The following UGT2B15 variants were observed in gnomAD, a reference collection of about 807,000 sequenced individuals.
The protein encoded by UGT2B15 is UDP glucuronosyltransferase family 2 member B15.
UGT2B15 carries 36 observed loss-of-function variants against 45.9 expected under a neutral mutation model. The observed-to-expected ratio is 0.78, with a 90% CI of 0.60 to 1.04. The LOEUF (loss-of-function observed/expected upper bound fraction) is 1.04. UGT2B15 is among the 50% of genes least tolerant of loss of function. The pLI, the probability that UGT2B15 is intolerant of heterozygous loss-of-function variation, is 0.00. For missense variants in UGT2B15, 617 were observed against 622.4 expected (o/e 0.99, Z 0.09); for synonymous variants, 219 against 216.4 (o/e 1.01, Z -0.11).
rs148054959 is a variant in UGT2B15 at position 68,647,318 on chromosome 4, C to G, written c.1379G>C (p.Arg460Pro). 2 of 1,613,760 alleles carry G rather than the reference C, an allele frequency of 1.2e-6. No homozygotes were observed. Among genetic ancestry groups the G allele is most frequent in the Non-Finnish European group, 1.7e-6 (2 of 1,179,816 alleles). Reference protein sequence around the residue: ...HHDQPMKPLDRAVFWIEFVMR... With the variant: ...HHDQPMKPLDPAVFWIEFVMR... ...GACAAACTCAATCCAGAAGACTGCT[C>G]GATCCAGGGGCTTCATTGGTTGGTC... is the stretch of plus-strand genomic sequence containing the variant. The change falls in exon 6 of 6, where the codon CGA (arginine) becomes CCA (proline). Residue 460 changes from arginine to proline, a missense_variant. Around this residue, in one of 3 missense-constraint regions of UGT2B15, gnomAD observed 265 missense variants for 245.1 expected, o/e 1.08. Transcript: ENST00000338206.
chr4:68,651,709 C>T (rs761068889), intron 5 of UGT2B15, among the ~76,000 whole-genome samples: 16 of 152,082 alleles, frequency 1.1e-4, no homozygotes, highest in Non-Finnish European at 2.2e-4. Flanking sequence ...TTTCTGAGGC[C>T]TATGTTCTGT....
intron 3 of UGT2B15, among the ~76,000 whole-genome samples, chr4:68,656,987 T>C (rs1732825323): frequency 6.6e-6 from 1 of 151,788 alleles, no homozygotes; most frequent in Non-Finnish European, 1.5e-5. Context: ...TGCTATTTTT[T>C]TCCTCCTAGG....
rs367648895 is a variant in UGT2B15 at position 68,667,297 on chromosome 4, G to A, written c.873+743C>T. On this transcript the variant is annotated intron_variant, in intron 2 of 5. Transcript: ENST00000338206. Reference sequence around the variant, plus strand: ...CTGCCTCAGCCTCTTAAGTAGCTACGACTATGAGACTACAGGCACACACCA... The same window carrying A: ...CTGCCTCAGCCTCTTAAGTAGCTACAACTATGAGACTACAGGCACACACCA... Among the ~76,000 whole-genome samples the A allele has an allele frequency of 6.6e-5, 10 of 151,938 alleles. No individual in the cohort carries two copies. The East Asian group carries it at 1.4e-3, about 21-fold the overall frequency.
intron 5 of UGT2B15, among the ~76,000 whole-genome samples, chr4:68,651,393 A>T (rs1320241856): frequency 6.6e-6 from 1 of 152,038 alleles, no homozygotes; most frequent in East Asian, 1.9e-4. Flanking sequence ...CTCCAGCACC[A>T]TTTATTTAAT....
intron 5 of UGT2B15, among the ~76,000 whole-genome samples, chr4:68,648,588 T>C (rs1324042739): frequency 5.3e-5 from 8 of 152,068 alleles, no homozygotes; most frequent in African/African-American, 1.7e-4. Flanking sequence ...AAACTTCAAG[T>C]ATGAAATACA....
At chr4:68,655,902 T>C (rs1471605074) in intron 3 of UGT2B15, among the ~76,000 whole-genome samples, 3 of 152,104 alleles carry the variant, frequency 2.0e-5, no homozygotes, top group African/African-American at 7.2e-5. Context: ...TCAGGGTTCA[T>C]ATTTTGGTAA....
chr4:68,667,880 A>G (rs1733186312), intron 2 of UGT2B15, among the ~76,000 whole-genome samples, 160 bp downstream of exon 2: 1 of 152,182 alleles, frequency 6.6e-6, no homozygotes, highest in South Asian at 2.1e-4. Flanking sequence ...TAACATTCAC[A>G]TACTTGTGAT....
At position 68,668,173 on chromosome 4, in the gene UGT2B15, A is replaced by C. The variant is rs746006788; in HGVS notation, c.740T>G (p.Leu247Ter). The C allele has an allele frequency of 3.1e-6, 5 of 1,612,038 alleles. 1 individual carries two copies. The South Asian group carries it at 4.4e-5, about 14-fold the overall frequency. The change falls in exon 2 of 6, where the codon TTA (leucine) becomes TGA (stop). Residue 247 changes from leucine (L) to a stop codon, truncating the protein, a stop_gained. Transcript: ENST00000338206. LOFTEE classifies it high-confidence loss of function. ...YSEVLGRPTT[L>*]FETMGKAEMW... The stretch of plus-strand genomic sequence containing the variant: ...TTCAGCTTTCCCCATTGTCTCAAAT[A>C]ATGTAGTGGGTCTTCCTGATGGAAA...
chr4:68,670,425 T>C lies in UGT2B15; in HGVS notation c.194A>G (p.Asn65Ser), dbSNP rs770648228. 8.7e-6 allele frequency: 14 copies of C among 1,613,696 alleles called. No individual in the cohort carries two copies. The highest frequency in any genetic ancestry group is 6.7e-5 in the African/African-American group (5 of 74,900). Residue 65 changes from asparagine to serine, a missense_variant, in exon 1 of 6, where the codon AAT (asparagine) becomes AGT (serine). This residue lies in a region of UGT2B15 where 351 missense variants were observed against 342.1 expected (regional missense o/e 1.03). Transcript: ENST00000338206. ...VLTSSASTLVNASKSSAIKLE... is the reference protein window; with the variant it reads ...VLTSSASTLVSASKSSAIKLE... Reference sequence around the variant, plus strand: ...TTTAATAGCAGATGATTTACTGGCATTGACAAGAGTAGAAGCCGAAGATGT... The same window carrying C: ...TTTAATAGCAGATGATTTACTGGCACTGACAAGAGTAGAAGCCGAAGATGT...
intron 3 of UGT2B15, among the ~76,000 whole-genome samples, chr4:68,659,934 T>TC (rs1732915374): frequency 6.6e-6 from 1 of 151,630 alleles, no homozygotes; most frequent in Non-Finnish European, 1.5e-5. Flanking sequence ...GTTTTGTTTT[T>TC]TTTTCAGAGT....
intron 3 of UGT2B15, among the ~76,000 whole-genome samples, chr4:68,660,906 T>C (rs1398105825): frequency 2.6e-5 from 4 of 151,988 alleles, no homozygotes; most frequent in African/African-American, 4.8e-5. Context: ...ACCTGCCTAC[T>C]GATTTATGGA....
At chr4:68,661,299 T>C (rs1732959059) in intron 3 of UGT2B15, among the ~76,000 whole-genome samples, 1 of 152,010 alleles carries the variant, frequency 6.6e-6, no homozygotes. Flanking sequence ...AATCAGAAAG[T>C]CAAAGGAATG....
chr4:68,662,077 ACT>A lies in UGT2B15; in HGVS notation c.1005+929_1005+930del, dbSNP rs1049079694. On this transcript the variant is annotated intron_variant, in intron 3 of 5. Coordinates refer to ENST00000338206, the MANE Select transcript of UGT2B15 (RefSeq NM_001076.4). ...TATTTGATATGGGAGTGTTAAAGTA[ACT>A]CTGTGTTTTCAGCAAAAACTTGTAT... 1.2e-4 allele frequency among the ~76,000 whole-genome samples: 19 copies of A among 152,036 alleles called. 1 individual carries two copies. Among genetic ancestry groups the A allele is most frequent in the African/African-American group, 4.3e-4 (18 of 41,414 alleles).
At chr4:68,658,203 T>A (rs1732866598) in intron 3 of UGT2B15, among the ~76,000 whole-genome samples, 1 of 152,038 alleles carries the variant, frequency 6.6e-6, no homozygotes, top group Non-Finnish European at 1.5e-5. Flanking sequence ...AATGTGTGTA[T>A]GTATTTATGT....
In UGT2B15 at chr4:68,647,284, G is replaced by A. The variant is rs370554027; in HGVS notation, c.1413C>T (p.His471=). Residue 471 remains histidine (H), a synonymous_variant, in exon 6 of 6, where the codon CAC becomes CAT. Coordinates refer to ENST00000338206, the MANE Select transcript of UGT2B15 (RefSeq NM_001076.4). ...AVFWIEFVMR[H]KGAKHLRVAA... ...CGACTCGAAGGTGCTTGGCTCCTTT[G>A]TGGCGCATGACAAACTCAATCCAGA... The A allele has an allele frequency of 1.2e-6, 2 of 1,613,850 alleles. No homozygotes were observed. Among genetic ancestry groups the A allele is most frequent in the Admixed American group, 1.7e-5 (1 of 59,980 alleles).
chr4:68,650,675 G>T (rs1040847898), intron 5 of UGT2B15, among the ~76,000 whole-genome samples: 1 of 152,080 alleles, frequency 6.6e-6, no homozygotes, highest in African/African-American at 2.4e-5. Flanking sequence ...TAATGAGATT[G>T]CTAGGTCAAA....
In UGT2B15 at chr4:68,670,362, A is replaced by G. The variant is rs368012995; in HGVS notation, c.257T>C (p.Leu86Ser). Residue 86 changes from leucine (L) to serine (S), a missense_variant, in exon 1 of 6, where the codon TTG (leucine) becomes TCG (serine). Leu to Ser is a moderately radical substitution (Grantham distance 145). Transcript: ENST00000338206. ...VYPTSLTKNY[L>S]EDSLLKILDR... Reference sequence around the variant, plus strand: ...GAGAATTTTCAGAAGAGAATCTTCCAAATAATTTTTAGTTAAAGATGTAGG... The same window carrying G: ...GAGAATTTTCAGAAGAGAATCTTCCGAATAATTTTTAGTTAAAGATGTAGG... 2 of 1,613,378 alleles carry G rather than the reference A, an allele frequency of 1.2e-6. No individual in the cohort carries two copies. Among genetic ancestry groups the G allele is most frequent in the Non-Finnish European group, 1.7e-6 (2 of 1,179,860 alleles).
At chr4:68,649,335 A>G (rs62298386) in intron 5 of UGT2B15, among the ~76,000 whole-genome samples, 18,426 of 139,270 alleles carry the variant, frequency 0.13, 1,544 homozygotes, top group Middle Eastern at 0.21. Flanking sequence ...CTTGAGTGCA[A>G]TGGAGTGATC....
chr4:68,652,083 C>A (rs1322536540), intron 5 of UGT2B15, among the ~76,000 whole-genome samples: 1 of 151,976 alleles, frequency 6.6e-6, no homozygotes, highest in Non-Finnish European at 1.5e-5. Context: ...TGAAGAGGTC[C>A]TTCACATCCC....
Sources: allele counts gnomAD v4.1 joint callset (sites outside exome capture counted in the v4.1 genomes callset), GRCh38; gene constraint gnomAD v4.1.1; regional missense constraint gnomAD v4.1.1; transcripts MANE v1.5; gene names NCBI Gene and HGNC (gene_info 2026-07-23, HGNC 2026-07-21).